The following ARHGEF38 variants were observed in gnomAD, a reference collection of about 807,000 sequenced individuals.
ARHGEF38 encodes the protein Rho guanine nucleotide exchange factor 38.
Under a neutral mutation model 79.9 loss-of-function variants are expected in ARHGEF38, and 79 were observed. The observed-to-expected ratio is 0.99, with a 90% confidence interval of 0.82 to 1.19. The LOEUF (loss-of-function observed/expected upper bound fraction) is 1.19. Among genes scored for constraint, ARHGEF38 ranks in the 50% most tolerant of loss-of-function variants. The pLI is 0.00. For synonymous variants in ARHGEF38, 366 were observed against 328.3 expected, an observed-to-expected ratio of 1.11 and a Z score of -1.24; for missense variants, 962 against 907.2, an observed-to-expected ratio of 1.06 and a Z score of -0.78.
At chr4:105,611,930 G>T (rs1252854398) in intron 2 of ARHGEF38, among the ~76,000 whole-genome samples, 1 of 152,092 alleles carries the variant, frequency 6.6e-6, no homozygotes, top group Non-Finnish European at 1.5e-5. Context: ...AGGACAGGAT[G>T]AATGATGGGA....
At chr4:105,564,959 A>T (rs1388876515) in intron 1 of ARHGEF38, among the ~76,000 whole-genome samples, 1 of 152,202 alleles carries the variant, frequency 6.6e-6, no homozygotes. Flanking sequence ...ATCTTCTGCT[A>T]AAGACTTTAA....
intron 7 of ARHGEF38, 137 bp downstream of exon 7, chr4:105,648,819 C>A: frequency 5.5e-5 from 27 of 490,046 alleles, no homozygotes; most frequent in Non-Finnish European, 7.5e-5. Flanking sequence ...CTCTTGTCTC[C>A]CTCTCTCTCT....
At chr4:105,676,750 T>A (rs935713042) in intron 13 of ARHGEF38, among the ~76,000 whole-genome samples, 2 of 152,056 alleles carry the variant, frequency 1.3e-5, no homozygotes, top group African/African-American at 4.8e-5. Flanking sequence ...AATTATAAAT[T>A]TAATACATTG....
intron 7 of ARHGEF38, 47 bp from the exon 8 acceptor site, chr4:105,654,018 A>G (rs1343593984): frequency 1.7e-6 from 2 of 1,152,608 alleles, no homozygotes; most frequent in Admixed American, 2.4e-5. Flanking sequence ...ATTTTAAAAA[A>G]TATCTGTTTC....
At chr4:105,663,893 C>G (rs1432787537) in intron 10 of ARHGEF38, among the ~76,000 whole-genome samples, 1 of 151,214 alleles carries the variant, frequency 6.6e-6, no homozygotes, top group Non-Finnish European at 1.5e-5. Context: ...TCACCTGAAT[C>G]TGGGAGGCGG....
intron 13 of ARHGEF38, among the ~76,000 whole-genome samples, chr4:105,676,060 G>C (rs1478301772): frequency 6.6e-6 from 1 of 152,136 alleles, no homozygotes; most frequent in African/African-American, 2.4e-5. Context: ...TTGAATCAAA[G>C]TTTCACCAAA....
At chr4:105,657,179 C>T (rs1029125871) in intron 9 of ARHGEF38, among the ~76,000 whole-genome samples, 1 of 152,132 alleles carries the variant, frequency 6.6e-6, no homozygotes, top group Admixed American at 6.6e-5. Flanking sequence ...TAAAGGTTTG[C>T]TCTTTAGCTT....
At chr4:105,656,705 G>A (rs769692639) in intron 9 of ARHGEF38, among the ~76,000 whole-genome samples, 2 of 152,126 alleles carry the variant, frequency 1.3e-5, no homozygotes, top group Non-Finnish European at 2.9e-5. Context: ...TTTTGGGTAA[G>A]ACAAATCTTC....
intron 7 of ARHGEF38, among the ~76,000 whole-genome samples, chr4:105,649,991 C>A (rs1227245996): frequency 6.6e-6 from 1 of 152,186 alleles, no homozygotes; most frequent in Non-Finnish European, 1.5e-5. Context: ...TAGTACTTAA[C>A]AAATGGGATG....
intron 2 of ARHGEF38, among the ~76,000 whole-genome samples, chr4:105,607,784 G>A (rs113946919): frequency 2.2e-3 from 330 of 152,140 alleles, no homozygotes; most frequent in African/African-American, 6.7e-3. Flanking sequence ...AAATAAAAAA[G>A]ACAGTTTGTC....
At chr4:105,624,472 C>T (rs3796921) in intron 3 of ARHGEF38, among the ~76,000 whole-genome samples, 1 of 152,174 alleles carries the variant, frequency 6.6e-6, no homozygotes, top group East Asian at 1.9e-4. Flanking sequence ...CTGCATGTCC[C>T]ACCTGCTGCC....
At chr4:105,666,140 G>T (rs1184135000) in intron 10 of ARHGEF38, 37 bp from the exon 11 acceptor site, 11 of 1,485,786 alleles carry the variant, frequency 7.4e-6, no homozygotes, top group Non-Finnish European at 8.9e-6. Flanking sequence ...GATTATCTAG[G>T]TGTCTGGAAA....
chr4:105,633,594 G>A (rs950998274), intron 4 of ARHGEF38, among the ~76,000 whole-genome samples: 8 of 152,096 alleles, frequency 5.3e-5, no homozygotes, highest in South Asian at 2.1e-4. Context: ...ATCTTTGTTC[G>A]AAGCAATATC....
chr4:105,641,241 CA>C (rs1445479628), intron 5 of ARHGEF38, among the ~76,000 whole-genome samples: 5 of 152,006 alleles, frequency 3.3e-5, no homozygotes, highest in Non-Finnish European at 5.9e-5. Context: ...AACAGATTTT[CA>C]ATGGACCCTC....
chr4:105,656,510 G>T (rs1037403548), intron 9 of ARHGEF38, among the ~76,000 whole-genome samples: 2 of 151,962 alleles, frequency 1.3e-5, no homozygotes, highest in Non-Finnish European at 2.9e-5. Context: ...TATATCTTGG[G>T]AATCATAAAA....
At chr4:105,613,622 A>C in intron 3 of ARHGEF38, 115 bp downstream of exon 3, 1 of 1,140,662 alleles carries the variant, frequency 8.8e-7, no homozygotes, top group Non-Finnish European at 1.2e-6. Flanking sequence ...AGATATATAA[A>C]TGCTAAACCC....
chr4:105,664,729 G>T (rs557375095), intron 10 of ARHGEF38, among the ~76,000 whole-genome samples: 1 of 152,248 alleles, frequency 6.6e-6, no homozygotes, highest in East Asian at 1.9e-4. Flanking sequence ...CTTGCCCTGG[G>T]CAGGCATAGG....
chr4:105,648,703 AC>A, intron 7 of ARHGEF38, 21 bp downstream of exon 7: 1 of 1,493,924 alleles, frequency 6.7e-7, no homozygotes, highest in Non-Finnish European at 8.8e-7. Flanking sequence ...TTCTTGGACC[AC>A]CCACCTTTTC....
intron 1 of ARHGEF38, among the ~76,000 whole-genome samples, chr4:105,568,787 G>A (rs1726068457): frequency 6.6e-6 from 1 of 152,154 alleles, no homozygotes; most frequent in Non-Finnish European, 1.5e-5. Flanking sequence ...GTATGAGAAT[G>A]TTCCAACATT....
Sources: allele counts gnomAD v4.1 joint callset (sites outside exome capture counted in the v4.1 genomes callset), GRCh38; gene constraint gnomAD v4.1.1; transcripts MANE v1.5; gene names NCBI Gene and HGNC (gene_info 2026-07-23, HGNC 2026-07-21).